Variants in ATP9B observed in about 807,000 individuals in gnomAD.
ATP9B encodes ATPase phospholipid transporting 9B.
Under a neutral mutation model 146.1 loss-of-function variants are expected in ATP9B, and 110 were observed. The ratio of observed to expected loss-of-function variants is 0.75; its 90% CI spans 0.65 to 0.88. ATP9B has a LOEUF of 0.88. ATP9B is among the 40% of genes least tolerant of loss of function. ATP9B has a pLI of 0.00. For missense variants in ATP9B, 1,499 were observed against 1,496.4 expected, an observed-to-expected ratio of 1.00 and a Z score of -0.03; for synonymous variants, 604 against 569.7, an observed-to-expected ratio of 1.06 and a Z score of -0.86.
intron 13 of ATP9B, among the ~76,000 whole-genome samples, chr18:79,282,725 G>A (rs1363707192): frequency 1.3e-5 from 2 of 152,114 alleles, no homozygotes; most frequent in Non-Finnish European, 2.9e-5. Flanking sequence ...GGAACCAAGC[G>A]CTTCCCCTGT....
Position 79,348,115 on chromosome 18 carries a change from G to A in ATP9B, c.2839-17G>A. The A allele has an allele frequency of 1.9e-6, 3 of 1,614,000 alleles. No homozygotes were observed. Among genetic ancestry groups the A allele is most frequent in the Non-Finnish European group, 2.5e-6 (3 of 1,179,928 alleles). On this transcript the variant is annotated splice_polypyrimidine_tract_variant and intron_variant, in intron 24 of 29. Coordinates refer to ENST00000426216, the MANE Select transcript of ATP9B (RefSeq NM_198531.5). ...GTGGAACTGACAGTTGTCTTCGTCT[G>A]TGGGCTCTCTCTCCAGGCTGTGTTT...
intron 7 of ATP9B, among the ~76,000 whole-genome samples, chr18:79,165,186 T>C (rs1231706310): frequency 1.3e-5 from 2 of 152,158 alleles, no homozygotes; most frequent in African/African-American, 4.8e-5. Flanking sequence ...AAGGTCAAGT[T>C]ATTTGAAAGG....
At chr18:79,150,501 TGCGTTC>T (rs1485660632) in intron 6 of ATP9B, among the ~76,000 whole-genome samples, 5 of 152,198 alleles carry the variant, frequency 3.3e-5, no homozygotes, top group Admixed American at 2.0e-4. Flanking sequence ...GAAGTAGCTG[TGCGTTC>T]ACACCGTGGC....
At chr18:79,155,622 A>G (rs1018998509) in intron 7 of ATP9B, among the ~76,000 whole-genome samples, 9 of 152,244 alleles carry the variant, frequency 5.9e-5, no homozygotes, top group South Asian at 4.1e-4. Flanking sequence ...CTCATCATAT[A>G]TCTTATTTCT....
In ATP9B at chr18:79,134,502, G is replaced by T. The variant is rs1266387497; in HGVS notation, c.667+8127G>T. ...GCATGGCATGTGGTGAGCACTCAGT[G>T]AACTGCGGGAGTCAAGAAAGAAAGA... On this transcript the variant is annotated intron_variant, in intron 5 of 29. Coordinates refer to ENST00000426216, the MANE Select transcript of ATP9B (RefSeq NM_198531.5). 3.4e-4 allele frequency among the ~76,000 whole-genome samples: 51 copies of T among 152,212 alleles called. 1 individual carries two copies. The highest frequency in any genetic ancestry group is 3.3e-3 in the Admixed American group (51 of 15,280).
At chr18:79,256,257 C>CTATGTATATATATATATATA (rs2096076351) in intron 12 of ATP9B, among the ~76,000 whole-genome samples, 1 of 100,398 alleles carries the variant, frequency 1.0e-5, no homozygotes, top group African/African-American at 4.6e-5. Flanking sequence ...TTCTAGCTAG[C>CTATGTATATATATATATATA]TATATATATA....
rs568278778 is a variant in ATP9B, at chr18:79,206,236, G to A, written c.955-701G>A. On this transcript the variant is annotated intron_variant, in intron 9 of 29. Coordinates refer to ENST00000426216, the MANE Select transcript of ATP9B (RefSeq NM_198531.5). ...ATTACAGGCGTGAGCCACCGCGCCC[G>A]GCCAATAATAGCATACTTCTAAAGA... Among the ~76,000 whole-genome samples the A allele has an allele frequency of 8.1e-4, 124 of 152,188 alleles. 1 individual carries two copies. The South Asian group carries it at 0.012, about 15-fold the overall frequency.
chr18:79,147,101 CAGACAA>C (rs1357820378), intron 6 of ATP9B, among the ~76,000 whole-genome samples: 6 of 152,116 alleles, frequency 3.9e-5, no homozygotes, highest in Non-Finnish European at 8.8e-5. Flanking sequence ...AAAATTAACA[CAGACAA>C]AAAGAGATGT....
At chr18:79,120,144 C>G (rs1466116137) in intron 4 of ATP9B, among the ~76,000 whole-genome samples, 1 of 152,080 alleles carries the variant, frequency 6.6e-6, no homozygotes, top group Non-Finnish European at 1.5e-5. Context: ...TATATTAACC[C>G]CATTATATCC....
At chr18:79,356,342 A>T (rs997121293) in intron 25 of ATP9B, among the ~76,000 whole-genome samples, 3 of 151,752 alleles carry the variant, frequency 2.0e-5, no homozygotes, top group Admixed American at 2.0e-4. Context: ...ACTCGTTTCC[A>T]AACCTAGCAC....
chr18:79,263,359 G>A (rs1032184216), intron 12 of ATP9B, among the ~76,000 whole-genome samples: 4 of 152,136 alleles, frequency 2.6e-5, no homozygotes, highest in South Asian at 2.1e-4. Flanking sequence ...TGCGGGGTTC[G>A]CCTCCCAGGA....
chr18:79,177,409 AT>A (rs1005637316), intron 8 of ATP9B, among the ~76,000 whole-genome samples: 164 of 144,866 alleles, frequency 1.1e-3, no homozygotes, highest in Middle Eastern at 7.1e-3. Flanking sequence ...CCAGTTCTTA[AT>A]TTTTTTTTTT....
At chr18:79,190,827 T>C (rs916092048) in intron 8 of ATP9B, among the ~76,000 whole-genome samples, 2 of 152,196 alleles carry the variant, frequency 1.3e-5, no homozygotes, top group Admixed American at 6.5e-5. Flanking sequence ...ATTACAGGCA[T>C]GAGCCACCGT....
At chr18:79,256,284 T>TATATATATATATATATATACATAC (rs1217998447) in intron 12 of ATP9B, among the ~76,000 whole-genome samples, 2 of 122,898 alleles carry the variant, frequency 1.6e-5, no homozygotes, top group Admixed American at 7.9e-5. Context: ...TATATATATA[T>TATATATATATATATATATACATAC]ATACATACAT....
intron 15 of ATP9B, among the ~76,000 whole-genome samples, chr18:79,310,518 T>C (rs896403901): frequency 1.1e-4 from 16 of 152,202 alleles, no homozygotes; most frequent in African/African-American, 3.6e-4. Context: ...CAGGAGTCTC[T>C]TGTCTAGGCT....
intron 15 of ATP9B, among the ~76,000 whole-genome samples, chr18:79,316,567 C>T (rs73003817): frequency 0.12 from 17,610 of 152,154 alleles, 1,112 homozygotes; most frequent in East Asian, 0.18. Context: ...GGGAAAGTAG[C>T]TCTTGCAGGG....
chr18:79,368,316 G>A (rs2097047743), intron 26 of ATP9B, among the ~76,000 whole-genome samples: 1 of 152,252 alleles, frequency 6.6e-6, no homozygotes, highest in Non-Finnish European at 1.5e-5. Context: ...ACTTGAGCCT[G>A]GAAGGTCGAG....
At chr18:79,304,521 T>G (rs989133961) in intron 14 of ATP9B, among the ~76,000 whole-genome samples, 1 of 152,214 alleles carries the variant, frequency 6.6e-6, no homozygotes, top group Non-Finnish European at 1.5e-5. Flanking sequence ...TTAGAACATT[T>G]CCAATTTTAG....
At chr18:79,106,576 A>C (rs1490424546) in intron 2 of ATP9B, among the ~76,000 whole-genome samples, 1 of 152,194 alleles carries the variant, frequency 6.6e-6, no homozygotes, top group East Asian at 1.9e-4. Context: ...TTTGTATAGT[A>C]GCACATGATA....
Sources: allele counts gnomAD v4.1 joint callset (sites outside exome capture counted in the v4.1 genomes callset), GRCh38; gene constraint gnomAD v4.1.1; transcripts MANE v1.5; gene names NCBI Gene and HGNC (gene_info 2026-07-23, HGNC 2026-07-21).